The following IFT88 variants were observed in gnomAD, a reference collection of about 807,000 sequenced individuals.
The protein encoded by IFT88 is intraflagellar transport 88.
A neutral mutation model predicts 119.5 loss-of-function variants in IFT88; 74 were observed. That is an observed-to-expected ratio of 0.62 (90% CI 0.51 to 0.75). The LOEUF (loss-of-function observed/expected upper bound fraction) is 0.75, where lower values mean the gene tolerates loss of function less well. IFT88 is among the 30% of genes least tolerant of loss of function. The probability of loss-of-function intolerance (pLI) is 0.00; values close to 1 mark genes in which losing one functional copy is unlikely to be tolerated. For synonymous variants in IFT88, 279 were observed against 316.7 expected (o/e 0.88, Z 1.26); for missense variants, 961 against 977.7 (o/e 0.98, Z 0.23).
intron 11 of IFT88, among the ~76,000 whole-genome samples, chr13:20,601,293 G>A (rs1163547249): frequency 1.3e-5 from 2 of 151,580 alleles, no homozygotes; most frequent in Admixed American, 6.6e-5. Flanking sequence ...TTGAACCCAG[G>A]AGGCAGAGGT....
intron 1 of IFT88, chr13:20,567,717 TA>T: frequency 8.1e-7 from 1 of 1,232,064 alleles, no homozygotes; most frequent in South Asian, 3.3e-5. Flanking sequence ...GGAATGAAGA[TA>T]AAAGTACACA....
In IFT88 at chr13:20,670,563, G is replaced by A. The variant is rs369074742; in HGVS notation, c.2176-410G>A. On this transcript the variant is annotated intron_variant, in intron 23 of 25. Coordinates refer to ENST00000351808, the MANE Select transcript of IFT88 (RefSeq NM_006531.5). ...TTTTTTTTTACCCTCAAATAGTTCAGGTCCAACCATTGTATATGAGGACTA... is the reference window on the plus strand; with the variant it reads ...TTTTTTTTTACCCTCAAATAGTTCAAGTCCAACCATTGTATATGAGGACTA... Among the ~76,000 whole-genome samples the A allele has an allele frequency of 5.8e-4, 76 of 132,168 alleles. 1 individual carries two copies. In the South Asian group the frequency reaches 0.017, roughly 29 times the overall value. The allele number at this position is 132,168 out of a possible 152,430, so 86.7% of individuals were successfully genotyped here. A position where few individuals can be genotyped will look rare whatever the true frequency, so the allele number is the denominator to read the frequency against.
chr13:20,688,193 A>C (rs749995543), intron 24 of IFT88, among the ~76,000 whole-genome samples: 9 of 152,074 alleles, frequency 5.9e-5, no homozygotes, highest in East Asian at 1.9e-4. Context: ...ACAACAACAA[A>C]AAAATTAGCC....
intron 20 of IFT88, among the ~76,000 whole-genome samples, chr13:20,648,557 T>C (rs1234223319): frequency 6.6e-6 from 1 of 151,574 alleles, no homozygotes; most frequent in African/African-American, 2.4e-5. Flanking sequence ...AAAATCGAAA[T>C]AGTACACTAA....
At chr13:20,569,779 AG>A (rs1463076917) in intron 1 of IFT88, among the ~76,000 whole-genome samples, 4 of 152,016 alleles carry the variant, frequency 2.6e-5, no homozygotes, top group Non-Finnish European at 5.9e-5. Flanking sequence ...CTGTAATCCC[AG>A]CACTCTGGGA....
In IFT88 at chr13:20,646,113, GTTGA is replaced by G. The variant is rs151285710; in HGVS notation, c.1949+1158_1949+1161del. 9.4e-3 allele frequency among the ~76,000 whole-genome samples: 1,427 copies of G among 152,184 alleles called. 21 individuals are homozygous for G. Among genetic ancestry groups the G allele is most frequent in the African/African-American group, 0.033 (1,369 of 41,520 alleles). On this transcript the variant is annotated intron_variant, in intron 20 of 25. Transcript: ENST00000351808. Reference sequence around the variant, plus strand: ...TAACTCCTATTTGTAAATGTCAGATGTTGATTAACAGTCAGTCCCTTACCTTACC... The same window carrying G: ...TAACTCCTATTTGTAAATGTCAGATGTTAACAGTCAGTCCCTTACCTTACC...
At chr13:20,665,016 T>C (rs1375318681) in intron 23 of IFT88, among the ~76,000 whole-genome samples, 3 of 151,778 alleles carry the variant, frequency 2.0e-5, no homozygotes, top group Admixed American at 2.0e-4. Context: ...GAGGCGGAGC[T>C]TGCAGTGAGC....
chr13:20,573,299 C>T (rs1308803340), intron 1 of IFT88, among the ~76,000 whole-genome samples: 1 of 151,604 alleles, frequency 6.6e-6, no homozygotes, highest in African/African-American at 2.4e-5. Context: ...TTCTGACAGA[C>T]AGCTTTGTAT....
chr13:20,570,164 A>G (rs2036021596), intron 1 of IFT88, among the ~76,000 whole-genome samples: 1 of 152,248 alleles, frequency 6.6e-6, no homozygotes, highest in African/African-American at 2.4e-5. Context: ...AGTCAATACT[A>G]CAATGAGATA....
chr13:20,613,729 G>A (rs2045064196), intron 13 of IFT88, among the ~76,000 whole-genome samples: 1 of 152,066 alleles, frequency 6.6e-6, no homozygotes, highest in Admixed American at 6.5e-5. Flanking sequence ...TCCATAATAT[G>A]GGATGTGATT....
intron 9 of IFT88, among the ~76,000 whole-genome samples, chr13:20,597,332 T>C (rs1443679624): frequency 6.6e-6 from 1 of 152,148 alleles, no homozygotes; most frequent in Non-Finnish European, 1.5e-5. Context: ...TTAGGCTGGG[T>C]GCAGTGACTC....
intron 2 of IFT88, among the ~76,000 whole-genome samples, chr13:20,575,830 G>A (rs2037274040): frequency 6.6e-6 from 1 of 152,202 alleles, no homozygotes; most frequent in South Asian, 2.1e-4. Flanking sequence ...CAACCTAATA[G>A]CAATGCAAGA....
At chr13:20,584,078 G>T (rs2039202603) in intron 3 of IFT88, among the ~76,000 whole-genome samples, 1 of 150,936 alleles carries the variant, frequency 6.6e-6, no homozygotes, top group African/African-American at 2.4e-5. Flanking sequence ...TTCCAACTTT[G>T]TTCTTTTTCA....
chr13:20,641,570 A>G (rs1227167847), intron 18 of IFT88, 172 bp downstream of exon 18: 2 of 465,232 alleles, frequency 4.3e-6, no homozygotes, highest in African/African-American at 2.0e-5. Flanking sequence ...GAGTAATCCT[A>G]TTTTAAGATG....
intron 1 of IFT88, among the ~76,000 whole-genome samples, chr13:20,574,062 C>A (rs59495184): frequency 6.6e-6 from 1 of 152,182 alleles, no homozygotes; most frequent in Non-Finnish European, 1.5e-5. Context: ...CGTGGTGGCT[C>A]ATGCTGGTAA....
intron 16 of IFT88, among the ~76,000 whole-genome samples, chr13:20,637,119 G>A (rs1271091117): frequency 1.3e-5 from 2 of 152,162 alleles, no homozygotes; most frequent in East Asian, 3.8e-4. Context: ...CAGATTAGTG[G>A]TTGCCAGGGG....
intron 3 of IFT88, among the ~76,000 whole-genome samples, chr13:20,589,050 G>T (rs1014481685): frequency 6.6e-6 from 1 of 152,080 alleles, no homozygotes; most frequent in East Asian, 1.9e-4. Context: ...GAGGAAAGCA[G>T]GCCTAAATGT....
At chr13:20,679,331 G>C (rs896519028) in intron 24 of IFT88, among the ~76,000 whole-genome samples, 1 of 152,170 alleles carries the variant, frequency 6.6e-6, no homozygotes, top group Non-Finnish European at 1.5e-5. Context: ...ATAGTCTGCT[G>C]TTTGTACTGT....
At chr13:20,582,677 A>G (rs1366016705) in intron 2 of IFT88, among the ~76,000 whole-genome samples, 3 of 152,186 alleles carry the variant, frequency 2.0e-5, no homozygotes, top group African/African-American at 7.2e-5. Flanking sequence ...TGTATACTTG[A>G]TGTTTCAACC....
Sources: gnomAD v4.1 joint callset for allele counts (sites outside exome capture counted in the v4.1 genomes callset) on GRCh38, gnomAD v4.1.1 for gene constraint, MANE v1.5 for transcripts, NCBI Gene and HGNC (gene_info 2026-07-23, HGNC 2026-07-21) for gene names.